Variants in GALM observed in about 807,000 individuals in gnomAD.
GALM encodes galactose mutarotase.
A neutral mutation model predicts 37.4 loss-of-function variants in GALM; 43 were observed. That is an observed-to-expected ratio of 1.15 (90% confidence interval 0.90 to 1.48). GALM has a LOEUF of 1.48. Among genes scored for constraint, GALM ranks in the 40% most tolerant of loss-of-function variants. The pLI, the probability that GALM is intolerant of heterozygous loss-of-function variation, is 0.00. For synonymous variants in GALM, 199 were observed against 170.6 expected, an observed-to-expected ratio of 1.17 and a Z score of -1.30; for missense variants, 456 against 419.1, an observed-to-expected ratio of 1.09 and a Z score of -0.77.
At chr2:38,692,322 A>G (rs1401637317) in intron 4 of GALM, among the ~76,000 whole-genome samples, 1 of 152,206 alleles carries the variant, frequency 6.6e-6, no homozygotes, top group East Asian at 1.9e-4. Flanking sequence ...GGGTGGTAGT[A>G]ACTGCTACCC....
intron 3 of GALM, among the ~76,000 whole-genome samples, 171 bp downstream of exon 3, chr2:38,681,657 G>A (rs1183297117): frequency 6.6e-6 from 1 of 152,226 alleles, no homozygotes; most frequent in Non-Finnish European, 1.5e-5. Flanking sequence ...GAAAATTATA[G>A]AGAAAGACAG....
intron 1 of GALM, chr2:38,671,449 C>T (rs943727401): frequency 5.3e-5 from 8 of 152,076 alleles, no homozygotes; most frequent in Non-Finnish European, 8.8e-5. Context: ...AGGAGAGAGA[C>T]AGAAAGGAGG....
intron 3 of GALM, 90 bp downstream of exon 3, chr2:38,681,576 G>A (rs1370732523): frequency 1.8e-6 from 2 of 1,092,354 alleles, no homozygotes; most frequent in Non-Finnish European, 2.8e-6. Flanking sequence ...TGGAATTGCT[G>A]TGGCAGTGAG....
intron 3 of GALM, among the ~76,000 whole-genome samples, chr2:38,686,245 T>C (rs939326400): frequency 0.01 from 998 of 99,312 alleles, 6 homozygotes; most frequent in East Asian, 0.057. Flanking sequence ...TCTTTCTTTC[T>C]TTCTTTCTTT....
At chr2:38,693,991 G>C (rs1413477653) in intron 4 of GALM, among the ~76,000 whole-genome samples, 1 of 152,106 alleles carries the variant, frequency 6.6e-6, no homozygotes, top group East Asian at 1.9e-4. Flanking sequence ...AGCAGCCTGG[G>C]CAACATAGGG....
At chr2:38,716,524 C>T (rs563029603) in intron 4 of GALM, among the ~76,000 whole-genome samples, 6 of 152,292 alleles carry the variant, frequency 3.9e-5, no homozygotes, top group Non-Finnish European at 8.8e-5. Flanking sequence ...GGATGCATGG[C>T]GGGGCTTCAG....
intron 1 of GALM, among the ~76,000 whole-genome samples, chr2:38,667,003 C>T (rs1490050968): frequency 6.6e-6 from 1 of 152,324 alleles, no homozygotes; most frequent in Admixed American, 6.5e-5. Flanking sequence ...CATTTGACAA[C>T]TCTATTAATC....
chr2:38,730,430 C>G (rs1333470612), intron 5 of GALM, among the ~76,000 whole-genome samples: 1 of 152,058 alleles, frequency 6.6e-6, no homozygotes, highest in Non-Finnish European at 1.5e-5. Context: ...CTATGCCCAG[C>G]TAATTTTTGT....
At chr2:38,724,779 A>G (rs1482510458) in intron 4 of GALM, among the ~76,000 whole-genome samples, 2 of 152,130 alleles carry the variant, frequency 1.3e-5, no homozygotes, top group East Asian at 3.8e-4. Context: ...CCTGTTATAT[A>G]TATTTATTTA....
chr2:38,697,085 C>T (rs1052575007), intron 4 of GALM, among the ~76,000 whole-genome samples: 10 of 152,048 alleles, frequency 6.6e-5, no homozygotes, highest in Admixed American at 4.6e-4. Context: ...CCACTGCACC[C>T]GGCCCCCAAG....
Position 38,729,618 on chromosome 2 carries a change from C to T in GALM, c.697C>T (p.His233Tyr), listed in dbSNP as rs1352116982. The T allele has an allele frequency of 1.9e-6, 3 of 1,613,480 alleles. No homozygotes were observed. Among genetic ancestry groups the T allele is most frequent in the Admixed American group, 1.7e-5 (1 of 60,008 alleles). ...DLRKPVELGK[H>Y]LQDFHLNGFD... ...GAGAAAGCCAGTGGAGCTTGGAAAA[C>T]ACCTGCAGGACTTCCATCTCAATGG... The change falls in exon 5 of 7, where the codon CAC becomes TAC. Residue 233 changes from histidine to tyrosine, a missense_variant. Transcript: ENST00000272252.
chr2:38,725,644 G>A (rs1666471541), intron 4 of GALM, among the ~76,000 whole-genome samples: 2 of 152,168 alleles, frequency 1.3e-5, no homozygotes, highest in Admixed American at 1.3e-4. Context: ...GAGCATAGCA[G>A]GACCCTGTCT....
rs114136172 is a variant in GALM, at chr2:38,672,433, A to G, written c.191-3479A>G. 7.8e-3 allele frequency among the ~76,000 whole-genome samples: 1,190 copies of G among 152,294 alleles called. 15 individuals carry two copies. The highest frequency in any genetic ancestry group is 0.027 in the African/African-American group (1,115 of 41,562). On this transcript the variant is annotated intron_variant, in intron 1 of 6. Transcript: ENST00000272252. ...TATGGGCTTTTAAAGCTATTTTCAG[A>G]AAGAGAAGAAGGTGGGGAGAGGTGG...
intron 4 of GALM, among the ~76,000 whole-genome samples, chr2:38,719,330 C>T (rs1422591666): frequency 6.6e-6 from 1 of 151,356 alleles, no homozygotes; most frequent in South Asian, 2.2e-4. Flanking sequence ...ATTAGCCAGG[C>T]GTGGTGGCAG....
intron 4 of GALM, among the ~76,000 whole-genome samples, chr2:38,727,821 G>A (rs1666518439): frequency 2.0e-5 from 3 of 151,930 alleles, no homozygotes; most frequent in Non-Finnish European, 1.5e-5. Context: ...ACCCACAAAA[G>A]CAGAACCAAA....
chr2:38,733,768 C>T lies in GALM; in HGVS notation c.*203C>T. The T allele has an allele frequency of 1.8e-6, 1 of 567,462 alleles. No individual in the cohort carries two copies. Among genetic ancestry groups the T allele is most frequent in the Non-Finnish European group, 3.2e-6 (1 of 310,052 alleles). 35.2% of individuals were successfully genotyped at this position (567,462 alleles called of 1,614,324 possible). ...GCCATGTCTAATGACCAGCTCGATT[C>T]CCTGTGCAGTTCAGAGGGCAAGTGA... On this transcript the variant is annotated 3_prime_UTR_variant, in exon 7 of 7. Transcript: ENST00000272252.
chr2:38,704,255 G>GTGGTGCAATTATAGCTCACTGCAGCCT (rs1461441773), intron 4 of GALM, among the ~76,000 whole-genome samples: 2 of 151,444 alleles, frequency 1.3e-5, no homozygotes, highest in East Asian at 3.9e-4. Context: ...CTGGAGTGCA[G>GTGGTGCAATTATAGCTCACTGCAGCCT]TGGTGCAATT....
intron 4 of GALM, among the ~76,000 whole-genome samples, chr2:38,692,288 T>G (rs1441865214): frequency 6.6e-6 from 1 of 152,186 alleles, no homozygotes; most frequent in Non-Finnish European, 1.5e-5. Context: ...ATTGTCTGAT[T>G]CCTTTGAAAC....
Position 38,723,936 on chromosome 2 carries a change from T to C in GALM, c.635-5620T>C, listed in dbSNP as rs142316501. Among the ~76,000 whole-genome samples, 17 of 152,332 alleles carry C rather than the reference T, an allele frequency of 1.1e-4. 1 individual carries two copies. The East Asian group carries it at 2.3e-3, about 21-fold the overall frequency. On this transcript the variant is annotated intron_variant, in intron 4 of 6. Transcript: ENST00000272252. ...TGCAATTCTGTGATTCTCTCTTTTTTTGAGACTCAGTCTCACTATGTTGCC... is the reference window on the plus strand; with the variant it reads ...TGCAATTCTGTGATTCTCTCTTTTTCTGAGACTCAGTCTCACTATGTTGCC...
Sources: gnomAD v4.1 joint callset for allele counts (sites outside exome capture counted in the v4.1 genomes callset) on GRCh38, gnomAD v4.1.1 for gene constraint, MANE v1.5 for transcripts, NCBI Gene and HGNC (gene_info 2026-07-23, HGNC 2026-07-21) for gene names.